Variants in DNAH17 observed in about 807,000 individuals in gnomAD.
DNAH17 encodes axonemal beta dynein heavy chain 17.
Under a neutral mutation model 485.6 loss-of-function variants are expected in DNAH17, and 376 were observed. That is an observed-to-expected ratio of 0.77 (90% CI 0.71 to 0.84). DNAH17 has a LOEUF of 0.84. Among genes scored for constraint, DNAH17 ranks in the 40% least tolerant of loss-of-function variants. DNAH17 has a pLI of 0.00. For missense variants in DNAH17, 6,370 were observed against 5,839.3 expected (o/e 1.09, Z -2.96); for synonymous variants, 3,031 against 2,405.9 (o/e 1.26, Z -7.60).
At chr17:78,485,526 A>AGCCGGGTAGGCG in intron 47 of DNAH17, 24 bp downstream of exon 47, 5 of 1,552,600 alleles carry the variant, frequency 3.2e-6, no homozygotes, top group Non-Finnish European at 4.4e-6. Flanking sequence ...CCGGGTAGGC[A>AGCCGGGTAGGCG]GGGCGTGGCC....
At chr17:78,445,738 G>A in intron 69 of DNAH17, 58 bp from the exon 70 acceptor site, 1 of 1,553,614 alleles carries the variant, frequency 6.4e-7, no homozygotes, top group Non-Finnish European at 8.7e-7. Context: ...CAGCAGCCCT[G>A]AAGATGCGCG....
In DNAH17 at chr17:78,569,226, G is replaced by C; in HGVS notation, c.1224C>G (p.Phe408Leu). 1 of 1,609,020 alleles carries C rather than the reference G, an allele frequency of 6.2e-7. No homozygotes were observed. The highest frequency in any genetic ancestry group is 8.5e-7 in the Non-Finnish European group (1 of 1,177,676). Residue 408 changes from phenylalanine to leucine, a missense_variant, in exon 9 of 81, where the codon TTC becomes TTG. By Grantham distance (22) the Phe-to-Leu change is conservative. Transcript: ENST00000389840. ...FKDKEPVPWEFPSSLAFSRIN... is the reference protein window; with the variant it reads ...FKDKEPVPWELPSSLAFSRIN... ...TCCTGGAAAAGGCAAGAGAAGAAGG[G>C]AATTCCCAAGGCACGGGCTCTTTGT...
At chr17:78,571,419 A>G in intron 4 of DNAH17, 41 bp from the exon 5 acceptor site, 1 of 1,561,990 alleles carries the variant, frequency 6.4e-7, no homozygotes, top group Non-Finnish European at 8.8e-7. Context: ...TTGACCTGGA[A>G]GACCCTAAGG....
intron 51 of DNAH17, among the ~76,000 whole-genome samples, chr17:78,477,956 TCCACCATCACCA>T (rs2089121118): frequency 9.3e-6 from 1 of 107,382 alleles, no homozygotes; most frequent in Admixed American, 9.3e-5. Context: ...CATTATCATC[TCCACCATCACCA>T]CCACCATCAT....
chr17:78,448,864 A>G lies in DNAH17; in HGVS notation c.11211+550T>C, dbSNP rs527528909. On this transcript the variant is annotated intron_variant, in intron 69 of 80. Transcript: ENST00000389840. ...GCCAGATGCCAGCACTTTCATATGG[A>G]ACTTCCCAGACCCCAGGACCATGAG... is the stretch of plus-strand genomic sequence containing the variant. Among the ~76,000 whole-genome samples, 28 of 152,326 alleles carry G rather than the reference A, an allele frequency of 1.8e-4. No individual in the cohort carries two copies. The East Asian group carries it at 4.8e-3, about 26-fold the overall frequency.
intron 25 of DNAH17, among the ~76,000 whole-genome samples, chr17:78,518,354 A>G (rs2090843770): frequency 6.6e-6 from 1 of 151,628 alleles, no homozygotes; most frequent in African/African-American, 2.4e-5. Flanking sequence ...TAGCTATACT[A>G]GTATCAGATC....
chr17:78,492,507 C>G (rs183339229), intron 42 of DNAH17, 126 bp downstream of exon 42: 1 of 1,347,168 alleles, frequency 7.4e-7, no homozygotes, highest in African/African-American at 1.4e-5. Flanking sequence ...CCATTGCAGG[C>G]CACGTGCCTG....
chr17:78,435,925 G>A (rs1343959506), intron 74 of DNAH17, among the ~76,000 whole-genome samples: 1 of 152,194 alleles, frequency 6.6e-6, no homozygotes, highest in African/African-American at 2.4e-5. Flanking sequence ...TAGAACGGGG[G>A]ACCTATTTTA....
chr17:78,521,005 G>A (rs978203977), intron 25 of DNAH17, among the ~76,000 whole-genome samples: 17 of 152,182 alleles, frequency 1.1e-4, no homozygotes, highest in African/African-American at 4.1e-4. Flanking sequence ...AGACTGTGCA[G>A]TATCATGGAG....
chr17:78,521,729 G>A (rs2090939131), intron 25 of DNAH17, among the ~76,000 whole-genome samples: 1 of 152,174 alleles, frequency 6.6e-6, no homozygotes, highest in African/African-American at 2.4e-5. Flanking sequence ...GCTCACACCT[G>A]TAATCCTAGC....
In DNAH17 at chr17:78,449,471, C is replaced by T. The variant is rs768664986; in HGVS notation, c.11154G>A (p.Thr3718=). The T allele has an allele frequency of 3.9e-5, 61 of 1,561,670 alleles. No individual in the cohort carries two copies. Among genetic ancestry groups the T allele is most frequent in the South Asian group, 9.4e-5 (8 of 84,742 alleles). ...DEITYSVYMY[T]ARGLFERDKL... The stretch of plus-strand genomic sequence containing the variant: ...TGTCCCTCTCGAAGAGTCCCCGGGC[C>T]GTGTACATGTAGACGGAGTAGGTGA... The change falls in exon 69 of 81, where the codon ACG becomes ACA. Residue 3718 remains threonine (T), a synonymous_variant. Transcript: ENST00000389840.
chr17:78,514,974 T>C lies in DNAH17; in HGVS notation c.3913A>G (p.Asn1305Asp). The C allele has an allele frequency of 6.2e-7, 1 of 1,613,986 alleles. No individual in the cohort carries two copies. Among genetic ancestry groups the C allele is most frequent in the Non-Finnish European group, 8.5e-7 (1 of 1,179,860 alleles). ...DWKTTKWKDINVEQMDIDCKK... is the reference protein window; with the variant it reads ...DWKTTKWKDIDVEQMDIDCKK... ...CAATCTATGTCCATCTGCTCAACGTTGATATCTTTCCACTTGGTGGTCTTC... is the reference window on the plus strand; with the variant it reads ...CAATCTATGTCCATCTGCTCAACGTCGATATCTTTCCACTTGGTGGTCTTC... Residue 1305 changes from asparagine (N) to aspartate (D), a missense_variant, in exon 26 of 81, where the codon AAC (asparagine) becomes GAC (aspartate). Coordinates refer to ENST00000389840, the MANE Select transcript of DNAH17 (RefSeq NM_173628.4).
At position 78,561,969 on chromosome 17, in the gene DNAH17, C is replaced by A; in HGVS notation, c.1581G>T (p.Met527Ile). The change falls in exon 12 of 81, where the codon ATG (methionine) becomes ATT (isoleucine). Residue 527 changes from methionine to isoleucine, a missense_variant. Met to Ile is a conservative substitution (Grantham distance 10). Coordinates refer to ENST00000389840, the MANE Select transcript of DNAH17 (RefSeq NM_173628.4). ...CIKSSAKLLYMCGGLMERPLI... is the reference protein window; with the variant it reads ...CIKSSAKLLYICGGLMERPLI... ...GGGGCCGCTCCATGAGGCCCCCACA[C>A]ATGTACAGGAGCTGAGGACAAAGGA... is the stretch of plus-strand genomic sequence containing the variant. The A allele has an allele frequency of 6.2e-7, 1 of 1,603,128 alleles. No individual in the cohort carries two copies. Among genetic ancestry groups the A allele is most frequent in the Non-Finnish European group, 8.5e-7 (1 of 1,174,810 alleles).
intron 7 of DNAH17, among the ~76,000 whole-genome samples, chr17:78,569,964 G>A (rs73396202): frequency 0.045 from 6,807 of 152,276 alleles, 503 homozygotes; most frequent in African/African-American, 0.15. Flanking sequence ...GATTAGAGAA[G>A]CCCACAAAGC....
intron 13 of DNAH17, among the ~76,000 whole-genome samples, chr17:78,558,689 C>T (rs916569759): frequency 1.3e-5 from 2 of 152,218 alleles, no homozygotes; most frequent in Admixed American, 1.3e-4. Flanking sequence ...TCTGTCCTCT[C>T]CTACCTACTA....
Position 78,479,711 on chromosome 17 carries a change from G to C in DNAH17, c.7753-79C>G. The C allele has an allele frequency of 6.3e-6, 10 of 1,585,350 alleles. No individual in the cohort carries two copies. In the South Asian group the frequency reaches 1.0e-4, roughly 16 times the overall value. Reference sequence around the variant, plus strand: ...GGGCCAGGGCCACCTTCGCGGGAGAGTGGCCCCTGTCCTCATGTTCTAAGG... The same window carrying C: ...GGGCCAGGGCCACCTTCGCGGGAGACTGGCCCCTGTCCTCATGTTCTAAGG... On this transcript the variant is annotated intron_variant, in intron 49 of 80. Coordinates refer to ENST00000389840, the MANE Select transcript of DNAH17 (RefSeq NM_173628.4).
chr17:78,468,785 C>T lies in DNAH17; in HGVS notation c.8610G>A (p.Val2870=), dbSNP rs2088609558. 3 of 1,614,076 alleles carry T rather than the reference C, an allele frequency of 1.9e-6. No individual in the cohort carries two copies. The highest frequency in any genetic ancestry group is 1.1e-5 in the South Asian group (1 of 91,092). The change falls in exon 55 of 81, where the codon GTG becomes GTA. Residue 2870 remains valine, a synonymous_variant. Transcript: ENST00000389840. ...CTGAGGCCAGCAGGTCATTGATCAG[C>T]ACCAGAAACTGCTCCTCGGCCACCT... is the stretch of plus-strand genomic sequence containing the variant. ...DSQVAEEQFL[V]LINDLLASGE...
rs141299335 is a variant in DNAH17 at position 78,428,591 on chromosome 17, A to G, written c.12522T>C (p.Thr4174=). Residue 4174 remains threonine (T), a synonymous_variant, in exon 77 of 81, where the codon ACT becomes ACC. Coordinates refer to ENST00000389840, the MANE Select transcript of DNAH17 (RefSeq NM_173628.4). ...LTVTSEKLFR[T]VLEMQPKETD... ...TCTCTTTTGGCTGCATTTCCAGGAC[A>G]GTGCGGAACAGCTTCTCTGAGGTGA... 981 of 1,613,942 alleles carry G rather than the reference A, an allele frequency of 6.1e-4. 1 individual carries two copies. Among genetic ancestry groups the G allele is most frequent in the Non-Finnish European group, 7.8e-4 (924 of 1,179,884 alleles).
intron 21 of DNAH17, among the ~76,000 whole-genome samples, chr17:78,530,110 C>A (rs1020991549): frequency 5.3e-5 from 8 of 152,226 alleles, no homozygotes; most frequent in African/African-American, 1.7e-4. Context: ...CATCTGGCAC[C>A]CGGACAGAGC....
Sources: allele counts gnomAD v4.1 joint callset (sites outside exome capture counted in the v4.1 genomes callset), GRCh38; gene constraint gnomAD v4.1.1; transcripts MANE v1.5; gene names NCBI Gene and HGNC (gene_info 2026-07-23, HGNC 2026-07-21).